MEGF11: variants seen among roughly 807,000 people sequenced by gnomAD.
MEGF11 encodes multiple epidermal growth factor-like domains protein 11.
A neutral mutation model predicts 146.6 loss-of-function variants in MEGF11; 126 were observed. The observed-to-expected ratio is 0.86, with a 90% CI of 0.74 to 1.00. MEGF11 has a LOEUF of 1.00. Ranked by LOEUF, MEGF11 falls within the 50% of genes least tolerant of loss-of-function variation. The pLI is 0.00. For synonymous variants in MEGF11, 532 were observed against 583.4 expected (o/e 0.91, Z 1.27); for missense variants, 1,509 against 1,521.2 (o/e 0.99, Z 0.13).
At chr15:66,252,912 G>A (rs1211734407) in intron 1 of MEGF11, among the ~76,000 whole-genome samples, 2 of 152,178 alleles carry the variant, frequency 1.3e-5, no homozygotes, top group Admixed American at 1.3e-4. Context: ...GGGAGCCAGG[G>A]TCGCAGTCTA....
chr15:66,065,301 G>T (rs1484684421), intron 5 of MEGF11, among the ~76,000 whole-genome samples: 2 of 134,016 alleles, frequency 1.5e-5, no homozygotes, highest in South Asian at 4.7e-4. Flanking sequence ...CTATGATGGT[G>T]AAAAAAAAAA....
At chr15:66,183,514 G>A (rs1335633318) in intron 1 of MEGF11, among the ~76,000 whole-genome samples, 10 of 144,220 alleles carry the variant, frequency 6.9e-5, no homozygotes, top group South Asian at 2.2e-4. Context: ...CCAACACCCC[G>A]TGCCACCCAC....
rs539647957 is a variant in MEGF11, at chr15:66,009,471, C to A, written c.395-26983G>T. Reference sequence around the variant, plus strand: ...ACTCAAGACTTTATTTTCCCCAAGACCCATTGACCCCTTCCTGGGAGGATA... The same window carrying A: ...ACTCAAGACTTTATTTTCCCCAAGAACCATTGACCCCTTCCTGGGAGGATA... On this transcript the variant is annotated intron_variant, in intron 5 of 25. Coordinates refer to ENST00000395614, the MANE Select transcript of MEGF11 (RefSeq NM_001385028.1). Among the ~76,000 whole-genome samples the A allele has an allele frequency of 3.6e-4, 55 of 152,142 alleles. No individual in the cohort carries two copies. In the South Asian group the frequency reaches 5.0e-3, roughly 14 times the overall value.
At chr15:66,024,878 G>T (rs1306839640) in intron 5 of MEGF11, among the ~76,000 whole-genome samples, 3 of 152,162 alleles carry the variant, frequency 2.0e-5, no homozygotes, top group Admixed American at 2.0e-4. Flanking sequence ...GGCCAGAGGC[G>T]AACTGGGTCC....
chr15:66,128,480 A>T, intron 1 of MEGF11, 69 bp from the exon 2 acceptor site: 1 of 882,770 alleles, frequency 1.1e-6, no homozygotes, highest in Non-Finnish European at 1.6e-6. Flanking sequence ...TTAGTTTCCC[A>T]TCGTCGTGGG....
chr15:65,930,311 G>A (rs2079528578), intron 11 of MEGF11, among the ~76,000 whole-genome samples: 1 of 152,170 alleles, frequency 6.6e-6, no homozygotes, highest in Non-Finnish European at 1.5e-5. Context: ...CCTGCAGGCT[G>A]CACATCCCAG....
At chr15:65,987,859 C>T (rs377242909) in intron 5 of MEGF11, among the ~76,000 whole-genome samples, 14 of 151,646 alleles carry the variant, frequency 9.2e-5, no homozygotes, top group African/African-American at 2.2e-4. Flanking sequence ...TATAGGCATG[C>T]GCCACCATGC....
At chr15:66,140,008 C>T (rs2089071781) in intron 1 of MEGF11, among the ~76,000 whole-genome samples, 1 of 152,198 alleles carries the variant, frequency 6.6e-6, no homozygotes, top group South Asian at 2.1e-4. Flanking sequence ...CAGCCGATCA[C>T]ACTCCCCGGT....
chr15:66,030,112 A>G (rs2083463559), intron 5 of MEGF11, among the ~76,000 whole-genome samples: 1 of 152,216 alleles, frequency 6.6e-6, no homozygotes, highest in South Asian at 2.1e-4. Flanking sequence ...AATGTCCTTC[A>G]GGCTCAAACA....
In MEGF11 at chr15:65,982,263, G is replaced by A. The variant is rs529534191; in HGVS notation, c.620C>T (p.Ala207Val). ...CDPRAGECLC[A>V]PGYTGVYCEE... ...TCACTAGACGCCGGTGTAGCCAGGT[G>A]CGCAGAGGCACTCGCCGGCGCGGGG... Residue 207 changes from alanine (A) to valine (V), a missense_variant, in exon 6 of 26, where the codon GCA becomes GTA. Coordinates refer to ENST00000395614, the MANE Select transcript of MEGF11 (RefSeq NM_001385028.1). This position sits in a 1 kb window ranked among gnomAD's most constrained non-coding sequence, Gnocchi z 5.6. 7.1e-6 allele frequency: 11 copies of A among 1,540,796 alleles called. No individual in the cohort carries two copies. Among genetic ancestry groups the A allele is most frequent in the Non-Finnish European group, 9.6e-6 (11 of 1,145,528 alleles).
Position 66,033,451 on chromosome 15 carries a change from A to T in MEGF11, c.395-50963T>A, listed in dbSNP as rs2083608614. On this transcript the variant is annotated intron_variant, in intron 5 of 25. Coordinates refer to ENST00000395614, the MANE Select transcript of MEGF11 (RefSeq NM_001385028.1). Reference sequence around the variant, plus strand: ...CCTTGGCTGACCCAGTCACAGCTCAAGCAGGCCCAGGTGCAGCTTTGGCCA... The same window carrying T: ...CCTTGGCTGACCCAGTCACAGCTCATGCAGGCCCAGGTGCAGCTTTGGCCA... 2.0e-5 allele frequency among the ~76,000 whole-genome samples: 3 copies of T among 152,234 alleles called. No individual in the cohort carries two copies. The South Asian group carries it at 6.2e-4, about 32-fold the overall frequency.
At position 65,915,461 on chromosome 15, in the gene MEGF11, G is replaced by T. The variant is rs1181781606; in HGVS notation, c.2473+9C>A. 6.2e-7 allele frequency: 1 copy of T among 1,613,390 alleles called. No homozygotes were observed. The highest frequency in any genetic ancestry group is 8.5e-7 in the Non-Finnish European group (1 of 1,179,700). ...CACAGACCCCGGGGCTCTGCCACGT[G>T]TGTATTACCTTGGTCACACCTGATT... On this transcript the variant is annotated intron_variant, in intron 19 of 25. Transcript: ENST00000395614.
At chr15:66,170,949 G>T (rs1031938896) in intron 1 of MEGF11, among the ~76,000 whole-genome samples, 1 of 152,184 alleles carries the variant, frequency 6.6e-6, no homozygotes, top group Non-Finnish European at 1.5e-5. Flanking sequence ...CTGCCCCGGG[G>T]GACCACCAAA....
At chr15:66,221,981 A>T (rs1334160889) in intron 1 of MEGF11, among the ~76,000 whole-genome samples, 1 of 152,148 alleles carries the variant, frequency 6.6e-6, no homozygotes, top group Non-Finnish European at 1.5e-5. Flanking sequence ...TATGAATCCC[A>T]ATTAGGCCGC....
intron 5 of MEGF11, among the ~76,000 whole-genome samples, chr15:66,010,074 G>A (rs895702099): frequency 6.6e-6 from 1 of 151,488 alleles, no homozygotes; most frequent in South Asian, 2.1e-4. Flanking sequence ...AATAGAGAAT[G>A]GGTGTCCAGT....
At chr15:66,218,469 A>T (rs2091642615) in intron 1 of MEGF11, among the ~76,000 whole-genome samples, 1 of 152,074 alleles carries the variant, frequency 6.6e-6, no homozygotes, top group African/African-American at 2.4e-5. Context: ...CCCATTTAGG[A>T]CCCACTCCTC....
At chr15:65,974,510 T>A (rs1418547667) in intron 7 of MEGF11, among the ~76,000 whole-genome samples, 1 of 151,860 alleles carries the variant, frequency 6.6e-6, no homozygotes, top group Non-Finnish European at 1.5e-5. Flanking sequence ...AATACAAAAA[T>A]CAGGCGTGAT....
chr15:66,120,246 T>C (rs1382801592), intron 3 of MEGF11, among the ~76,000 whole-genome samples: 1 of 152,150 alleles, frequency 6.6e-6, no homozygotes, highest in Non-Finnish European at 1.5e-5. Flanking sequence ...GAAATCAAAA[T>C]GGGGTATTCA....
At chr15:65,951,838 ATTT>A (rs908417343) in intron 10 of MEGF11, among the ~76,000 whole-genome samples, 3 of 148,532 alleles carry the variant, frequency 2.0e-5, no homozygotes, top group Admixed American at 6.7e-5. Context: ...ATCTCTACAA[ATTT>A]TTTTTTTTTA....
Sources: allele counts gnomAD v4.1 joint callset (sites outside exome capture counted in the v4.1 genomes callset), GRCh38; gene constraint gnomAD v4.1.1; non-coding constraint Gnocchi (gnomAD v3.1); transcripts MANE v1.5; gene names NCBI Gene and HGNC (gene_info 2026-07-23, HGNC 2026-07-21).